Variants in GGT1 observed in about 807,000 individuals in gnomAD.
GGT1 encodes glutathione hydrolase 1 proenzyme.
In GGT1, 21 loss-of-function variants were observed where a neutral mutation model predicts 56.0. That is an observed-to-expected ratio of 0.38 (90% confidence interval 0.27 to 0.54). GGT1 has a LOEUF of 0.54. Among genes scored for constraint, GGT1 ranks in the 20% least tolerant of loss-of-function variants. The pLI is 0.82. For synonymous variants in GGT1, 238 were observed against 342.6 expected, an observed-to-expected ratio of 0.69 and a Z score of 3.37; for missense variants, 466 against 787.0, an observed-to-expected ratio of 0.59 and a Z score of 4.88.
intron 11 of GGT1, among the ~76,000 whole-genome samples, chr22:24,625,062 G>A (rs1020658665): frequency 5.9e-5 from 9 of 152,240 alleles, no homozygotes; most frequent in African/African-American, 1.4e-4. Context: ...AGTCTGCAGT[G>A]TGGATGTTTC....
chr22:24,627,465 G>A lies in GGT1; in HGVS notation c.1054G>A (p.Ala352Thr). Residue 352 changes from alanine (A) to threonine (T), a missense_variant, in exon 12 of 16, where the codon GCC becomes ACC. Physicochemically the swap from Ala to Thr is moderately conservative, Grantham distance 58. Around this residue, in one of 2 missense-constraint regions of GGT1, gnomAD observed 456 missense variants for 716.7 expected, o/e 0.64. Transcript: ENST00000400382. Reference protein sequence around the residue: ...VRNMTSEFFAAQLRAQISDDT... With the variant: ...VRNMTSEFFATQLRAQISDDT... ...CAACATGACCTCCGAGTTCTTCGCTGCCCAGCTCCGGGCCCAGATCTCTGA... is the reference window on the plus strand; with the variant it reads ...CAACATGACCTCCGAGTTCTTCGCTACCCAGCTCCGGGCCCAGATCTCTGA... 1 of 1,610,476 alleles carries A rather than the reference G, an allele frequency of 6.2e-7. No individual in the cohort carries two copies. The highest frequency in any genetic ancestry group is 1.1e-5 in the South Asian group (1 of 90,912).
the GGT1 span, chr22:24,589,681 C>A: frequency 1.0e-6 from 1 of 981,434 alleles, no homozygotes; most frequent in Non-Finnish European, 1.4e-6. Context: ...GGCAGCAGGT[C>A]TCAGACAGGG....
At chr22:24,596,228 C>A (rs772020127) in intron 1 of GGT1, among the ~76,000 whole-genome samples, 15 of 152,218 alleles carry the variant, frequency 9.9e-5, no homozygotes, top group Non-Finnish European at 1.9e-4. Flanking sequence ...CCTGCCATAG[C>A]AAATTACCAC....
At chr22:24,624,199 C>T (rs1255821995) in intron 11 of GGT1, 1 of 985,108 alleles carries the variant, frequency 1.0e-6, no homozygotes, top group Non-Finnish European at 1.2e-6. Context: ...ATGAGGAATG[C>T]ATGGGGGCAT....
intron 5 of GGT1, 77 bp downstream of exon 5, chr22:24,611,322 G>A: frequency 1.1e-6 from 1 of 901,262 alleles, no homozygotes; most frequent in South Asian, 1.4e-5. Context: ...ACCCCCCTGA[G>A]ACTCAGTTTC....
At chr22:24,600,659 C>A (rs574156281), upstream of GGT1, among the ~76,000 whole-genome samples, 1 of 152,360 alleles carries the variant, frequency 6.6e-6, no homozygotes, top group Non-Finnish European at 1.5e-5. Context: ...CCTGTGCTGA[C>A]CTCCCTCCAT....
upstream of GGT1, among the ~76,000 whole-genome samples, chr22:24,594,614 G>A (rs979165406): frequency 5.9e-5 from 9 of 152,042 alleles, no homozygotes; most frequent in African/African-American, 2.2e-4. Flanking sequence ...AACCCCTGCT[G>A]GAGCAGTGCT....
chr22:24,586,086 C>T, the GGT1 span: 124 of 1,612,474 alleles, frequency 7.7e-5, no homozygotes, highest in Middle Eastern at 3.3e-4. Flanking sequence ...GCCACATCCA[C>T]GTTGTTGCCC....
chr22:24,586,316 C>T, the GGT1 span: 76 of 1,613,856 alleles, frequency 4.7e-5, no homozygotes, highest in African/African-American at 3.7e-4. Context: ...GCTCAGGTAG[C>T]GTGTGATGTG....
At chr22:24,588,410 C>T in the GGT1 span, 1 of 1,115,698 alleles carries the variant, frequency 9.0e-7, no homozygotes, top group Non-Finnish European at 1.3e-6. Context: ...ACCCAGGCAG[C>T]CAAGTGTGTG....
upstream of GGT1, chr22:24,592,800 G>C (rs1180412673): frequency 1.5e-5 from 19 of 1,236,312 alleles, no homozygotes; most frequent in Non-Finnish European, 1.0e-6. Flanking sequence ...GCGCCTCCCA[G>C]ACCCCCAGAC....
chr22:24,595,711 T>C (rs1182288574), intron 1 of GGT1, among the ~76,000 whole-genome samples: 1 of 152,182 alleles, frequency 6.6e-6, no homozygotes. Context: ...AGCCACACCT[T>C]TGGAGTCTCA....
At position 24,605,051 on chromosome 22, in the gene GGT1, T is replaced by TA. The variant is rs1220658205; in HGVS notation, c.-429+1524_-429+1525insA. On this transcript the variant is annotated intron_variant, in intron 1 of 15. Coordinates refer to ENST00000400382, the MANE Select transcript of GGT1 (RefSeq NM_001288833.2). ...ATATATATATAAAATATGTAATATA[T>TA]TATATATTATATGTAATATATAATA... is the stretch of plus-strand genomic sequence containing the variant. Among the ~76,000 whole-genome samples, 17 of 60,236 alleles carry TA rather than the reference T, an allele frequency of 2.8e-4. 2 individuals carry two copies. Among genetic ancestry groups the TA allele is most frequent in the Non-Finnish European group, 4.1e-4 (14 of 34,080 alleles). The allele number at this position is 60,236 out of a possible 152,430, so 39.5% of individuals were successfully genotyped here. A position where few individuals can be genotyped will look rare whatever the true frequency, so the allele number is the denominator to read the frequency against.
chr22:24,627,781 C>T, intron 12 of GGT1, 71 bp from the exon 13 acceptor site: 1 of 1,566,166 alleles, frequency 6.4e-7, no homozygotes. Flanking sequence ...TATGTTTGAG[C>T]CTCAGTGGGT....
the GGT1 span, chr22:24,589,013 A>C: frequency 9.8e-7 from 1 of 1,022,872 alleles, no homozygotes; most frequent in Non-Finnish European, 1.2e-6. Context: ...AGCAGGCAGC[A>C]CACACAGCAG....
In GGT1 at chr22:24,628,891, A is replaced by G; in HGVS notation, c.*52A>G. ...GCAATCCAGGGACAAGATACTCACC[A>G]GGACCAGGAAGGGGACTCTGGGGGA... On this transcript the variant is annotated 3_prime_UTR_variant, in exon 16 of 16. Transcript: ENST00000400382. This position sits in a 1 kb window ranked among gnomAD's most constrained non-coding sequence, Gnocchi z 5.7. The G allele has an allele frequency of 6.3e-7, 1 of 1,593,862 alleles. No individual in the cohort carries two copies. The highest frequency in any genetic ancestry group is 8.5e-7 in the Non-Finnish European group (1 of 1,169,686).
In GGT1 at chr22:24,595,200, C is replaced by T. The variant is rs537161213; in HGVS notation, c.-324+314C>T. Among the ~76,000 whole-genome samples, 357 of 152,302 alleles carry T rather than the reference C, an allele frequency of 2.3e-3. 3 individuals carry two copies. Among genetic ancestry groups the T allele is most frequent in the Admixed American group, 3.9e-3 (59 of 15,298 alleles). On this transcript the variant is annotated intron_variant, in intron 1 of 6. Coordinates refer to the GGT1 transcript ENST00000411974. ...CCCTGGCCGAGAGGTTCCTGGAGGA[C>T]ATTTTTCCAGCAAAAGAGGGAGGGT...
Position 24,628,061 on chromosome 22 carries a change from T to C in GGT1, c.1337-20T>C. 2 of 1,611,512 alleles carry C rather than the reference T, an allele frequency of 1.2e-6. No homozygotes were observed. The highest frequency in any genetic ancestry group is 4.5e-5 in the East Asian group (2 of 44,852). Reference sequence around the variant, plus strand: ...GGCAGGCAGCTGACGGGCATCCCTGTCTTCTCCCATCGGCCGCAGGGAAGC... The same window carrying C: ...GGCAGGCAGCTGACGGGCATCCCTGCCTTCTCCCATCGGCCGCAGGGAAGC... On this transcript the variant is annotated intron_variant, in intron 13 of 15. Transcript: ENST00000400382. The surrounding 1 kb of genome is among the most constrained non-coding windows in gnomAD (Gnocchi z 5.7).
chr22:24,623,054 C>T (rs1360719111), intron 9 of GGT1, 53 bp from the exon 10 acceptor site: 104 of 1,609,698 alleles, frequency 6.5e-5, no homozygotes, highest in Non-Finnish European at 8.3e-5. Flanking sequence ...CCATCCTCCA[C>T]GCAGTGGTGC....
Sources: gnomAD v4.1 joint callset for allele counts (sites outside exome capture counted in the v4.1 genomes callset) on GRCh38, gnomAD v4.1.1 for gene constraint, gnomAD v4.1.1 regional missense constraint, Gnocchi (gnomAD v3.1) non-coding constraint, MANE v1.5 for transcripts, NCBI Gene and HGNC (gene_info 2026-07-23, HGNC 2026-07-21) for gene names.